The following ANK2 variants were observed in gnomAD, a reference collection of about 807,000 sequenced individuals.
The protein encoded by ANK2 is ankyrin-2.
In ANK2, 83 loss-of-function variants were observed where a neutral mutation model predicts 360.5. That is an observed-to-expected ratio of 0.23 (90% CI 0.19 to 0.28). ANK2 has a LOEUF of 0.28. Among genes scored for constraint, ANK2 ranks in the 10% least tolerant of loss-of-function variants. The pLI is 1.00. For synonymous variants in ANK2, 1,740 were observed against 1,759.5 expected, an observed-to-expected ratio of 0.99 and a Z score of 0.28; for missense variants, 4,201 against 4,795.7, an observed-to-expected ratio of 0.88 and a Z score of 3.66.
At chr4:112,954,525 G>A (rs1272769104) in intron 2 of ANK2, among the ~76,000 whole-genome samples, 1 of 152,180 alleles carries the variant, frequency 6.6e-6, no homozygotes, top group Non-Finnish European at 1.5e-5. Flanking sequence ...TTGTTAGACA[G>A]ATGGTGGCTT....
chr4:112,826,013 A>G (rs761992482), intron 1 of ANK2, among the ~76,000 whole-genome samples: 3 of 152,224 alleles, frequency 2.0e-5, no homozygotes, highest in South Asian at 2.1e-4. Context: ...GGAGAAGGTC[A>G]ACGAGTAACT....
At chr4:113,160,399 T>A (rs1046577315) in intron 1 of ANK2, 2 of 408,244 alleles carry the variant, frequency 4.9e-6, no homozygotes, top group Non-Finnish European at 9.6e-6. Flanking sequence ...AATGTAATCT[T>A]AGGCAATGAG....
At chr4:112,946,485 TTTAAA>T (rs1460041301) in intron 2 of ANK2, among the ~76,000 whole-genome samples, 4 of 152,156 alleles carry the variant, frequency 2.6e-5, no homozygotes, top group African/African-American at 9.7e-5. Flanking sequence ...TAAAGGAGTG[TTTAAA>T]TCAAATCACC....
chr4:113,176,706 C>A (rs192520486), intron 2 of ANK2, among the ~76,000 whole-genome samples: 3 of 151,674 alleles, frequency 2.0e-5, no homozygotes, highest in Non-Finnish European at 2.9e-5. Context: ...TGCATACATG[C>A]GCCATGTTGG....
chr4:112,877,901 C>T (rs1039527063), intron 1 of ANK2, among the ~76,000 whole-genome samples: 3 of 152,102 alleles, frequency 2.0e-5, no homozygotes, highest in African/African-American at 7.2e-5. Flanking sequence ...TTGCATTAAC[C>T]TAATCTTCCC....
At chr4:113,363,891 G>C (rs1049834145) in intron 40 of ANK2, among the ~76,000 whole-genome samples, 4 of 152,156 alleles carry the variant, frequency 2.6e-5, no homozygotes, top group African/African-American at 9.7e-5. Context: ...GCTGGGTTAA[G>C]TTCCAGCCAC....
intron 1 of ANK2, among the ~76,000 whole-genome samples, chr4:112,883,880 G>GTA (rs926970875): frequency 2.7e-5 from 4 of 148,278 alleles, no homozygotes; most frequent in African/African-American, 7.4e-5. Flanking sequence ...GTATATATAT[G>GTA]TATATATATG....
chr4:113,258,261 C>G, intron 12 of ANK2, 52 bp from the exon 13 acceptor site: 1 of 1,596,878 alleles, frequency 6.3e-7, no homozygotes, highest in Non-Finnish European at 8.6e-7. Context: ...TGAAGAAGCC[C>G]CAAAGCCCCA....
chr4:112,907,359 G>T (rs958950964), intron 2 of ANK2, among the ~76,000 whole-genome samples: 1 of 152,162 alleles, frequency 6.6e-6, no homozygotes, highest in Non-Finnish European at 1.5e-5. Flanking sequence ...GGATCTTTTA[G>T]TTCAGGTACT....
At chr4:113,139,990 C>A (rs1412346669) in intron 1 of ANK2, among the ~76,000 whole-genome samples, 1 of 152,156 alleles carries the variant, frequency 6.6e-6, no homozygotes, top group African/African-American at 2.4e-5. Context: ...AATTATGCCA[C>A]AAGTCCATAT....
the ANK2 span, among the ~76,000 whole-genome samples, chr4:112,738,442 A>G: frequency 2.0e-5 from 3 of 151,824 alleles, no homozygotes; most frequent in Admixed American, 2.0e-4. Flanking sequence ...AAGACATGCA[A>G]GATCCTTGCC....
chr4:113,347,971 A>G, intron 35 of ANK2: 1 of 395,446 alleles, frequency 2.5e-6, no homozygotes, highest in Non-Finnish European at 4.7e-6. Flanking sequence ...TTCTAAAGAC[A>G]AATGCCATCC....
upstream of ANK2, among the ~76,000 whole-genome samples, chr4:112,814,989 A>G (rs910485973): frequency 1.3e-5 from 2 of 148,750 alleles, no homozygotes; most frequent in African/African-American, 5.0e-5. Context: ...GCAAAATTCC[A>G]AGAAACTAAA....
intron 1 of ANK2, among the ~76,000 whole-genome samples, chr4:113,159,581 G>C (rs2097435944): frequency 6.6e-6 from 1 of 151,788 alleles, no homozygotes; most frequent in Non-Finnish European, 1.5e-5. Context: ...ACAGAGAAGA[G>C]TAAAATTATA....
chr4:113,115,456 A>G (rs972461570), intron 1 of ANK2, among the ~76,000 whole-genome samples: 2 of 152,150 alleles, frequency 1.3e-5, no homozygotes, highest in African/African-American at 2.4e-5. Flanking sequence ...TGACCATCAT[A>G]TCAACAATAC....
At chr4:112,733,207 C>T in the ANK2 span, among the ~76,000 whole-genome samples, 6 of 151,936 alleles carry the variant, frequency 3.9e-5, no homozygotes, top group Admixed American at 1.3e-4. Context: ...CAAAACAAGA[C>T]GCTGCCTCAA....
chr4:113,099,298 G>A (rs1034403008), intron 1 of ANK2, among the ~76,000 whole-genome samples: 1 of 151,846 alleles, frequency 6.6e-6, no homozygotes, highest in Non-Finnish European at 1.5e-5. Context: ...AACTAATATT[G>A]ATGATAGCAG....
intron 22 of ANK2, among the ~76,000 whole-genome samples, chr4:113,298,585 C>T (rs539864440): frequency 3.3e-5 from 5 of 152,286 alleles, no homozygotes; most frequent in African/African-American, 4.8e-5. Context: ...TTTTTCATAT[C>T]GTGATTAACA....
At chr4:112,972,402 A>G (rs2039855477) in intron 2 of ANK2, among the ~76,000 whole-genome samples, 1 of 151,998 alleles carries the variant, frequency 6.6e-6, no homozygotes, top group African/African-American at 2.4e-5. Context: ...TGTCCATGTG[A>G]TCACTGCAAT....
Sources: gnomAD v4.1 joint callset for allele counts (sites outside exome capture counted in the v4.1 genomes callset) on GRCh38, gnomAD v4.1.1 for gene constraint, MANE v1.5 for transcripts, NCBI Gene and HGNC (gene_info 2026-07-23, HGNC 2026-07-21) for gene names.